The following HERC2 variants were observed in gnomAD, a reference collection of about 807,000 sequenced individuals.
HERC2 encodes E3 ubiquitin-protein ligase HERC2.
Under a neutral mutation model 537.7 loss-of-function variants are expected in HERC2, and 102 were observed. That is an observed-to-expected ratio of 0.19 (90% CI 0.16 to 0.22). The LOEUF is 0.22. Ranked by LOEUF, HERC2 falls within the 10% of genes least tolerant of loss-of-function variation. The pLI is 1.00. For synonymous variants in HERC2, 2,224 were observed against 2,466.2 expected, an observed-to-expected ratio of 0.90 and a Z score of 2.91; for missense variants, 4,236 against 6,198.2, an observed-to-expected ratio of 0.68 and a Z score of 10.63.
chr15:28,263,529 C>T (rs992670014), intron 14 of HERC2, among the ~76,000 whole-genome samples: 4 of 152,312 alleles, frequency 2.6e-5, no homozygotes, highest in East Asian at 1.9e-4. Context: ...ACCACCCTCC[C>T]GTTTGCCTGC....
At chr15:28,287,775 G>C (rs561346586) in intron 4 of HERC2, among the ~76,000 whole-genome samples, 1 of 137,938 alleles carries the variant, frequency 7.2e-6, no homozygotes, top group African/African-American at 2.8e-5. Flanking sequence ...ACCCAGGCTA[G>C]AGTGGTGGTG....
At position 28,146,228 on chromosome 15, in the gene HERC2, T is replaced by C. The variant is rs568088622; in HGVS notation, c.11008+9A>G. 9 of 1,603,678 alleles carry C rather than the reference T, an allele frequency of 5.6e-6. No individual in the cohort carries two copies. In the South Asian group the frequency reaches 9.9e-5, roughly 18 times the overall value. ...GTAGATCATGCCCTGCTCAACCTCC[T>C]GTCCTTACCTGACCGCACGGAGACG... On this transcript the variant is annotated intron_variant, in intron 71 of 92. Transcript: ENST00000261609.
intron 4 of HERC2, among the ~76,000 whole-genome samples, chr15:28,288,419 G>T (rs1667392): frequency 8.8e-6 from 1 of 113,560 alleles, no homozygotes; most frequent in Non-Finnish European, 1.6e-5. Context: ...CCAGCTACTC[G>T]GGAGGCTGAG....
At position 28,297,430 on chromosome 15, in the gene HERC2, GA is replaced by G. The variant is rs1351864796; in HGVS notation, c.187+1971del. 9.0e-3 allele frequency among the ~76,000 whole-genome samples: 1,251 copies of G among 138,314 alleles called. 12 individuals are homozygous for G. The highest frequency in any genetic ancestry group is 0.03 in the African/African-American group (1,152 of 37,818). The allele number at this position is 138,314 out of a possible 152,430, so 90.7% of individuals were successfully genotyped here. ...AATGGAGAAAAGACTTAATGTTAAA[GA>G]AAAAAAAAACACTATAGACATTGAC... On this transcript the variant is annotated intron_variant, in intron 3 of 92. Coordinates refer to ENST00000261609, the MANE Select transcript of HERC2 (RefSeq NM_004667.6).
At chr15:28,194,217 C>T (rs2140287732) in intron 52 of HERC2, among the ~76,000 whole-genome samples, 1 of 151,070 alleles carries the variant, frequency 6.6e-6, no homozygotes, top group Non-Finnish European at 1.5e-5. Context: ...AGGCGCCCGC[C>T]ACCACGCCCG....
intron 3 of HERC2, among the ~76,000 whole-genome samples, chr15:28,295,308 T>TGTGG (rs1218567907): frequency 2.5e-4 from 20 of 79,680 alleles, no homozygotes; most frequent in African/African-American, 9.0e-4. Context: ...TACATGTGTG[T>TGTGG]GGGGGGGGGG....
chr15:28,255,768 TA>T, intron 19 of HERC2, 103 bp downstream of exon 19: 1 of 1,258,956 alleles, frequency 7.9e-7, no homozygotes, highest in Non-Finnish European at 1.1e-6. Context: ...TTGGATATGA[TA>T]AAAGTTTAGA....
In HERC2 at chr15:28,265,685, T is replaced by C. The variant is rs2140954618; in HGVS notation, c.1803A>G (p.Lys601=). ...EAIPMLVAGL[K]GLKVIDVACG... ...ACGCCACATCGATGACCTTCAGTCC[T>C]TTAAGCCCGGCTACCAGCATCGGAA... The change falls in exon 14 of 93, where the codon AAA becomes AAG. Residue 601 remains lysine (K), a synonymous_variant. Transcript: ENST00000261609. The surrounding 1 kb of genome is among the most constrained non-coding windows in gnomAD (Gnocchi z 4.0). The C allele has an allele frequency of 1.2e-6, 2 of 1,614,182 alleles. No individual in the cohort carries two copies. Among genetic ancestry groups the C allele is most frequent in the African/African-American group, 1.3e-5 (1 of 75,056 alleles).
At chr15:28,207,442 C>T (rs1434879025) in intron 44 of HERC2, among the ~76,000 whole-genome samples, 1 of 152,208 alleles carries the variant, frequency 6.6e-6, no homozygotes, top group Admixed American at 6.5e-5. Flanking sequence ...GACCTACACA[C>T]TCTCTTTCGT....
intron 69 of HERC2, among the ~76,000 whole-genome samples, chr15:28,154,854 G>C (rs1892826267): frequency 6.6e-6 from 1 of 151,832 alleles, no homozygotes; most frequent in African/African-American, 2.4e-5. Context: ...CCATGTTGTT[G>C]TGCTGCACCC....
At chr15:28,318,042 T>G (rs747437971) in intron 2 of HERC2, among the ~76,000 whole-genome samples, 6 of 152,220 alleles carry the variant, frequency 3.9e-5, no homozygotes, top group Non-Finnish European at 7.3e-5. Flanking sequence ...AACTCCATTC[T>G]GGACTTATGC....
chr15:28,111,687 C>T lies in HERC2; in HGVS notation c.*76G>A. ...GACGCTTCTCATCAGACACACCAGG[C>T]AGCCTACAGTCTACACAGCAGCGAG... On this transcript the variant is annotated 3_prime_UTR_variant, in exon 93 of 93. Transcript: ENST00000261609. 2.7e-6 allele frequency: 4 copies of T among 1,490,914 alleles called. No individual in the cohort carries two copies. 92.4% of individuals were successfully genotyped at this position (1,490,914 alleles called of 1,614,324 possible). A position where few individuals can be genotyped will look rare whatever the true frequency, so the allele number is the denominator to read the frequency against.
intron 70 of HERC2, among the ~76,000 whole-genome samples, chr15:28,149,798 G>A (rs555809579): frequency 2.3e-4 from 34 of 149,312 alleles, no homozygotes; most frequent in Non-Finnish European, 4.4e-4. Context: ...TAAAATCACC[G>A]AAAAAACACA....
At position 28,130,298 on chromosome 15, in the gene HERC2, T is replaced by C; in HGVS notation, c.12667A>G (p.Lys4223Glu). Reference protein sequence around the residue: ...TKSGAVYTWGKGDYHRLGHGS... With the variant: ...TKSGAVYTWGEGDYHRLGHGS... Reference sequence around the variant, plus strand: ...TGGCCCAACCTGTGATAATCGCCTTTGCCCCTGCACACAAAGGAAGCATGG... The same window carrying C: ...TGGCCCAACCTGTGATAATCGCCTTCGCCCCTGCACACAAAGGAAGCATGG... The change falls in exon 83 of 93, where the codon AAA becomes GAA. Residue 4223 changes from lysine (K) to glutamate (E), a missense_variant. Physicochemically the swap from Lys to Glu is moderately conservative, Grantham distance 56 (BLOSUM62 1). Transcript: ENST00000261609. 1 of 1,614,166 alleles carries C rather than the reference T, an allele frequency of 6.2e-7. No homozygotes were observed. Among genetic ancestry groups the C allele is most frequent in the Non-Finnish European group, 8.5e-7 (1 of 1,180,022 alleles).
At chr15:28,247,996 C>A (rs940635309) in intron 21 of HERC2, among the ~76,000 whole-genome samples, 7 of 152,238 alleles carry the variant, frequency 4.6e-5, no homozygotes, top group African/African-American at 1.7e-4. Context: ...GAACCATTCC[C>A]TCAACAGTGC....
At chr15:28,290,128 C>T (rs759440822) in intron 4 of HERC2, among the ~76,000 whole-genome samples, 12 of 152,170 alleles carry the variant, frequency 7.9e-5, no homozygotes, top group South Asian at 4.1e-4. Flanking sequence ...TAATCAGGTA[C>T]GGGTAAGATC....
intron 55 of HERC2, among the ~76,000 whole-genome samples, chr15:28,187,592 CA>C (rs1226213888): frequency 1.3e-5 from 2 of 152,152 alleles, no homozygotes; most frequent in Non-Finnish European, 2.9e-5. Context: ...CTCAGCTTCC[CA>C]AAGTACTGGG....
At chr15:28,231,968 T>G (rs1005691856) in intron 30 of HERC2, among the ~76,000 whole-genome samples, 2 of 152,110 alleles carry the variant, frequency 1.3e-5, no homozygotes, top group African/African-American at 4.8e-5. Context: ...TCTCTCTCCC[T>G]CATGCCGAGG....
At chr15:28,146,422 C>T (rs1891743996) in intron 70 of HERC2, 78 bp from the exon 71 acceptor site, 2 of 921,698 alleles carry the variant, frequency 2.2e-6, no homozygotes, top group Non-Finnish European at 3.5e-6. Context: ...ACTAAAACCA[C>T]ATTTAACAGC....
Sources: gnomAD v4.1 joint callset for allele counts (sites outside exome capture counted in the v4.1 genomes callset) on GRCh38, gnomAD v4.1.1 for gene constraint, Gnocchi (gnomAD v3.1) non-coding constraint, MANE v1.5 for transcripts, NCBI Gene and HGNC (gene_info 2026-07-23, HGNC 2026-07-21) for gene names.